The following SPIDR variants were observed in gnomAD, a reference collection of about 807,000 sequenced individuals.
SPIDR encodes DNA repair-scaffolding protein.
SPIDR carries 93 observed loss-of-function variants against 104.6 expected under a neutral mutation model. The observed-to-expected ratio is 0.89, with a 90% confidence interval of 0.75 to 1.06. The LOEUF is 1.06. Ranked by LOEUF, SPIDR falls within the 50% of genes least tolerant of loss-of-function variation. The pLI is 0.00. For missense variants in SPIDR, 1,154 were observed against 1,111.2 expected (o/e 1.04, Z -0.55); for synonymous variants, 431 against 416.9 (o/e 1.03, Z -0.41).
rs144008263 is a variant in SPIDR, at chr8:47,661,749, G to A, written c.1545-12052G>A. Among the ~76,000 whole-genome samples the A allele has an allele frequency of 3.9e-4, 59 of 152,310 alleles. No homozygotes were observed. In the East Asian group the frequency reaches 8.9e-3, roughly 23 times the overall value. On this transcript the variant is annotated intron_variant, in intron 10 of 19. Transcript: ENST00000297423. ...GCAGCCTTCTCTATAGATACACAAA[G>A]ATTTAACGTTCCTTAAACAAAAATA... is the stretch of plus-strand genomic sequence containing the variant.
At chr8:47,720,106 T>C (rs1563658249) in intron 16 of SPIDR, among the ~76,000 whole-genome samples, 2 of 152,382 alleles carry the variant, frequency 1.3e-5, no homozygotes, top group Non-Finnish European at 2.9e-5. Flanking sequence ...GTTGGAATCA[T>C]GCAGTATGCA....
At chr8:47,548,387 C>T (rs973205441) in intron 8 of SPIDR, among the ~76,000 whole-genome samples, 2 of 152,226 alleles carry the variant, frequency 1.3e-5, no homozygotes, top group Middle Eastern at 3.2e-3. Flanking sequence ...GTGGCTCACG[C>T]CTGTAATCCC....
intron 5 of SPIDR, among the ~76,000 whole-genome samples, chr8:47,345,356 G>A (rs1453302681): frequency 4.6e-5 from 7 of 152,142 alleles, no homozygotes; most frequent in Admixed American, 4.6e-4. Context: ...TGCTGTTTTG[G>A]TTACTGTAGC....
At chr8:47,510,936 C>T in intron 8 of SPIDR, 1 of 593,766 alleles carries the variant, frequency 1.7e-6, no homozygotes, top group Non-Finnish European at 3.0e-6. Flanking sequence ...CACTGGACTA[C>T]TGGTGTGTAC....
At chr8:47,275,086 G>A (rs1203456796) in intron 1 of SPIDR, among the ~76,000 whole-genome samples, 3 of 150,810 alleles carry the variant, frequency 2.0e-5, no homozygotes, top group African/African-American at 2.4e-5. Flanking sequence ...GGTGAAACCC[G>A]GTCTCTACTG....
At chr8:47,344,437 A>G (rs537958055) in intron 5 of SPIDR, among the ~76,000 whole-genome samples, 25 of 152,280 alleles carry the variant, frequency 1.6e-4, no homozygotes, top group Non-Finnish European at 3.2e-4. Flanking sequence ...ATCCGTGTGT[A>G]TGTGTCTTTA....
At chr8:47,559,034 C>G (rs2056733280) in intron 8 of SPIDR, among the ~76,000 whole-genome samples, 1 of 152,094 alleles carries the variant, frequency 6.6e-6, no homozygotes, top group Non-Finnish European at 1.5e-5. Flanking sequence ...CTGTATCTGG[C>G]CCTTATCTGT....
intron 5 of SPIDR, chr8:47,357,832 C>G (rs778134456): frequency 7.2e-5 from 71 of 984,218 alleles, no homozygotes; most frequent in Non-Finnish European, 8.4e-5. Context: ...AAGGAGATCT[C>G]ATACATGTTA....
At chr8:47,617,034 G>GT (rs1040251396) in intron 10 of SPIDR, among the ~76,000 whole-genome samples, 41 of 151,878 alleles carry the variant, frequency 2.7e-4, no homozygotes, top group Middle Eastern at 3.4e-3. Flanking sequence ...CTTATTTTGT[G>GT]TTTTTTTTAT....
intron 8 of SPIDR, among the ~76,000 whole-genome samples, chr8:47,444,825 T>A (rs1480229274): frequency 6.6e-6 from 1 of 152,240 alleles, no homozygotes; most frequent in African/African-American, 2.4e-5. Context: ...TTTTTATGGC[T>A]GCACAGTGTG....
At chr8:47,463,364 A>C (rs1297930809) in intron 8 of SPIDR, among the ~76,000 whole-genome samples, 2 of 152,000 alleles carry the variant, frequency 1.3e-5, no homozygotes, top group Admixed American at 1.3e-4. Flanking sequence ...CCGTCTCAAA[A>C]AAAAAAAAGG....
At position 47,416,168 on chromosome 8, in the gene SPIDR, C is replaced by T. The variant is rs375091457; in HGVS notation, c.877+8207C>T. ...CTGAGGCAGAGAATTACTTGAACCCCGGAGGCAGAGTTTGCAGTGAGCCGA... is the reference window on the plus strand; with the variant it reads ...CTGAGGCAGAGAATTACTTGAACCCTGGAGGCAGAGTTTGCAGTGAGCCGA... On this transcript the variant is annotated intron_variant, in intron 7 of 19. Coordinates refer to ENST00000297423, the MANE Select transcript of SPIDR (RefSeq NM_001080394.4). Among the ~76,000 whole-genome samples, 117 of 152,246 alleles carry T rather than the reference C, an allele frequency of 7.7e-4. 1 individual carries two copies. Among genetic ancestry groups the T allele is most frequent in the African/African-American group, 2.5e-3 (105 of 41,560 alleles).
At chr8:47,538,929 C>T (rs1476560540) in intron 8 of SPIDR, among the ~76,000 whole-genome samples, 5 of 142,632 alleles carry the variant, frequency 3.5e-5, no homozygotes, top group Admixed American at 7.3e-5. Flanking sequence ...GGCACGATCT[C>T]GGCTCACTGC....
chr8:47,502,636 T>C (rs1313492428), intron 8 of SPIDR, among the ~76,000 whole-genome samples: 1 of 152,230 alleles, frequency 6.6e-6, no homozygotes, highest in Non-Finnish European at 1.5e-5. Context: ...CTCTATTTCC[T>C]TCGGTTCTGC....
At chr8:47,606,642 T>G (rs960642500) in intron 10 of SPIDR, among the ~76,000 whole-genome samples, 2 of 152,132 alleles carry the variant, frequency 1.3e-5, no homozygotes, top group Non-Finnish European at 2.9e-5. Context: ...ATGTGATGAT[T>G]AGGGGCATTA....
chr8:47,588,816 TTGC>T (rs2060617416), intron 8 of SPIDR, among the ~76,000 whole-genome samples: 3 of 152,182 alleles, frequency 2.0e-5, no homozygotes, highest in Non-Finnish European at 4.4e-5. Context: ...TTTTTTCACA[TTGC>T]TAATGTAATC....
chr8:47,673,704 A>G, intron 10 of SPIDR, 97 bp from the exon 11 acceptor site: 2 of 1,481,006 alleles, frequency 1.4e-6, no homozygotes, highest in South Asian at 2.3e-5. Flanking sequence ...CAGTCACAGC[A>G]GTATATAGTG....
chr8:47,671,373 C>T (rs2075771772), intron 10 of SPIDR, among the ~76,000 whole-genome samples: 2 of 151,922 alleles, frequency 1.3e-5, no homozygotes, highest in Non-Finnish European at 2.9e-5. Flanking sequence ...TCACTTGAGG[C>T]CAGGAATTCG....
At chr8:47,588,631 T>C (rs2060589341) in intron 8 of SPIDR, among the ~76,000 whole-genome samples, 1 of 152,174 alleles carries the variant, frequency 6.6e-6, no homozygotes, top group Non-Finnish European at 1.5e-5. Context: ...AGGGAGGAAA[T>C]TTTTGCCTTG....
Sources: gnomAD v4.1 joint callset for allele counts (sites outside exome capture counted in the v4.1 genomes callset) on GRCh38, gnomAD v4.1.1 for gene constraint, MANE v1.5 for transcripts, NCBI Gene and HGNC (gene_info 2026-07-23, HGNC 2026-07-21) for gene names.